STK40: variants seen among roughly 807,000 people sequenced by gnomAD.
STK40 encodes the protein serine/threonine-protein kinase 40.
Under a neutral mutation model 47.9 loss-of-function variants are expected in STK40, and 13 were observed. That is an observed-to-expected ratio of 0.27 (90% CI 0.18 to 0.43). The LOEUF (loss-of-function observed/expected upper bound fraction) is 0.43, where lower values mean the gene tolerates loss of function less well. Ranked by LOEUF, STK40 falls within the 20% of genes least tolerant of loss-of-function variation. The pLI, the probability that STK40 is intolerant of heterozygous loss-of-function variation, is 1.00. For missense variants in STK40, 460 were observed against 595.1 expected (o/e 0.77, Z 2.36); for synonymous variants, 225 against 243.2 (o/e 0.93, Z 0.69).
intron 6 of STK40, among the ~76,000 whole-genome samples, chr1:36,353,938 T>C (rs566378581): frequency 1.3e-5 from 2 of 152,192 alleles, no homozygotes; most frequent in African/African-American, 2.4e-5. Flanking sequence ...AAAATATATA[T>C]ATTTTTGTAG....
chr1:36,368,032 T>C (rs776357894), intron 1 of STK40: 28 of 241,148 alleles, frequency 1.2e-4, no homozygotes, highest in Non-Finnish European at 1.7e-4. Context: ...AGAGCACATA[T>C]ATTGTGCTGT....
At chr1:36,371,293 G>A (rs1047438221) in intron 1 of STK40, among the ~76,000 whole-genome samples, 7 of 150,640 alleles carry the variant, frequency 4.6e-5, no homozygotes, top group Non-Finnish European at 8.9e-5. Flanking sequence ...GGTGGCTCAC[G>A]CCTGTAATCC....
At chr1:36,363,828 AAAAG>A (rs1439223879) in intron 1 of STK40, among the ~76,000 whole-genome samples, 16 of 146,844 alleles carry the variant, frequency 1.1e-4, no homozygotes, top group South Asian at 2.2e-4. Flanking sequence ...AAAAAAAAAA[AAAAG>A]AATTAATAGT....
chr1:36,346,058 G>C (rs1321224754), intron 7 of STK40, among the ~76,000 whole-genome samples: 2 of 134,338 alleles, frequency 1.5e-5, no homozygotes, highest in Non-Finnish European at 3.1e-5. Context: ...GCAGTGGTGA[G>C]ATCTCGGCTC....
At position 36,376,198 on chromosome 1, in the gene STK40, T is replaced by C. The variant is rs537912155; in HGVS notation, c.-9+9525A>G. Among the ~76,000 whole-genome samples, 434 of 152,254 alleles carry C rather than the reference T, an allele frequency of 2.9e-3. 2 individuals carry two copies. Among genetic ancestry groups the C allele is most frequent in the African/African-American group, 9.9e-3 (411 of 41,532 alleles). ...GCCCCTCTGTTGGCTTCACCTGCTC[T>C]GAATCACCAAGAGCTGGACACGGCA... On this transcript the variant is annotated intron_variant, in intron 1 of 10. Transcript: ENST00000373132.
chr1:36,366,236 A>G (rs1646900808), intron 1 of STK40, among the ~76,000 whole-genome samples: 1 of 152,172 alleles, frequency 6.6e-6, no homozygotes, highest in African/African-American at 2.4e-5. Context: ...AGCACAGACA[A>G]TCAGTGGGCT....
rs984703550 is a variant in STK40, at chr1:36,370,836, A to G, written c.-8-9496T>C. The stretch of plus-strand genomic sequence containing the variant: ...GTGCTCAAGTCCCTAATATAAGATA[A>G]TGTAGTATTTGCATATAACCTGTGC... On this transcript the variant is annotated intron_variant, in intron 1 of 10. Coordinates refer to ENST00000373132, the MANE Select transcript of STK40 (RefSeq NM_001282547.2). Among the ~76,000 whole-genome samples the G allele has an allele frequency of 6.6e-5, 10 of 151,766 alleles. No homozygotes were observed. In the East Asian group the frequency reaches 1.5e-3, roughly 23 times the overall value.
At chr1:36,346,184 CAG>C (rs1397464576) in intron 7 of STK40, among the ~76,000 whole-genome samples, 1 of 150,954 alleles carries the variant, frequency 6.6e-6, no homozygotes, top group Non-Finnish European at 1.5e-5. Context: ...TTAGTAGAAA[CAG>C]GGTTTCACTG....
At chr1:36,343,085 A>G (rs1646669293) in intron 10 of STK40, 3 of 609,730 alleles carry the variant, frequency 4.9e-6, no homozygotes, top group Non-Finnish European at 8.8e-6. Flanking sequence ...AGCAGGAGGA[A>G]GCTGAGAGGG....
chr1:36,368,902 T>C (rs577967453), intron 1 of STK40, among the ~76,000 whole-genome samples: 6 of 152,318 alleles, frequency 3.9e-5, no homozygotes, highest in Non-Finnish European at 7.3e-5. Flanking sequence ...TGATACATAC[T>C]CAAGTGTTTT....
At chr1:36,372,907 A>G (rs1646962393) in intron 1 of STK40, 1 of 152,206 alleles carries the variant, frequency 6.6e-6, no homozygotes, top group Non-Finnish European at 1.5e-5. Flanking sequence ...TCACATGTAG[A>G]TGCTTCTACC....
intron 1 of STK40, among the ~76,000 whole-genome samples, chr1:36,369,166 G>T (rs918258448): frequency 2.0e-5 from 3 of 152,162 alleles, no homozygotes; most frequent in East Asian, 1.9e-4. Context: ...GAATTGGTTG[G>T]GGGGGCGGGG....
intron 1 of STK40, among the ~76,000 whole-genome samples, chr1:36,374,229 C>T (rs1303168438): frequency 6.6e-6 from 1 of 152,242 alleles, no homozygotes; most frequent in Non-Finnish European, 1.5e-5. Flanking sequence ...CACCCCACTG[C>T]CCCGAGGAAG....
At chr1:36,359,998 C>A (rs191040225) in intron 2 of STK40, among the ~76,000 whole-genome samples, 29 of 152,356 alleles carry the variant, frequency 1.9e-4, no homozygotes, top group African/African-American at 7.0e-4. Context: ...CATAAACAGG[C>A]CTTTCTTGCC....
intron 2 of STK40, among the ~76,000 whole-genome samples, chr1:36,360,335 T>C (rs908082701): frequency 2.0e-5 from 3 of 152,170 alleles, no homozygotes; most frequent in African/African-American, 7.2e-5. Context: ...GGACTGCTGG[T>C]CCTTATGCAT....
chr1:36,350,868 C>T (rs1175837407), intron 6 of STK40, among the ~76,000 whole-genome samples: 5 of 152,294 alleles, frequency 3.3e-5, no homozygotes, highest in East Asian at 3.9e-4. Flanking sequence ...GAGCGGCAGG[C>T]GCACTGGAGT....
intron 1 of STK40, among the ~76,000 whole-genome samples, chr1:36,383,616 T>A (rs146406892): frequency 6.6e-6 from 1 of 152,240 alleles, no homozygotes; most frequent in African/African-American, 2.4e-5. Flanking sequence ...GGGACTCCAG[T>A]GAAATCTTTC....
chr1:36,359,918 A>G (rs771188570), intron 2 of STK40, among the ~76,000 whole-genome samples: 3 of 152,024 alleles, frequency 2.0e-5, no homozygotes, highest in East Asian at 1.9e-4. Context: ...TCTGTCTGCA[A>G]TGTTCTTCCC....
chr1:36,345,979 ATATATATATATATTT>A (rs1646696240), intron 7 of STK40, among the ~76,000 whole-genome samples: 2 of 10,576 alleles, frequency 1.9e-4, no homozygotes, highest in South Asian at 0.01. Context: ...ATATATATAT[ATATATATATATATTT>A]TTTTTTTTTT....
Sources: allele counts gnomAD v4.1 joint callset (sites outside exome capture counted in the v4.1 genomes callset), GRCh38; gene constraint gnomAD v4.1.1; transcripts MANE v1.5; gene names NCBI Gene and HGNC (gene_info 2026-07-23, HGNC 2026-07-21).